The following RAP2C variants were observed in gnomAD, a reference collection of about 807,000 sequenced individuals.
RAP2C encodes the protein RAP2C, member of RAS oncogene family.
RAP2C carries 3 observed loss-of-function variants against 8.9 expected under a neutral mutation model. The ratio of observed to expected loss-of-function variants is 0.34; its 90% CI spans 0.15 to 0.87. RAP2C has a LOEUF of 0.87. RAP2C is among the 40% of genes least tolerant of loss of function. The pLI is 0.51. For missense variants in RAP2C, 76 were observed against 133.7 expected (o/e 0.57, Z 2.13); for synonymous variants, 60 against 52.1 (o/e 1.15, Z -0.65).
intron 5 of RAP2C, among the ~76,000 whole-genome samples, chrX:132,207,443 G>T (rs190000622): frequency 3.6e-5 from 4 of 110,651 alleles, no homozygotes; most frequent in African/African-American, 1.3e-4. Flanking sequence ...TAAAAACCTG[G>T]GTAACATTTG....
chrX:132,206,989 A>G (rs1310786061), intron 5 of RAP2C, among the ~76,000 whole-genome samples: 3 of 112,151 alleles, frequency 2.7e-5, no homozygotes, highest in African/African-American at 9.7e-5. Flanking sequence ...TTCCATTTCC[A>G]ACTATGTTAT....
At chrX:132,215,022 C>T (rs1367116285) in intron 4 of RAP2C, among the ~76,000 whole-genome samples, 1 of 111,340 alleles carries the variant, frequency 9.0e-6, no homozygotes, top group African/African-American at 3.3e-5. Flanking sequence ...AAATCAAACA[C>T]CTTACAATAC....
At chrX:132,215,077 G>A (rs973164899) in intron 4 of RAP2C, among the ~76,000 whole-genome samples, 2 of 110,454 alleles carry the variant, frequency 1.8e-5, no homozygotes, top group African/African-American at 6.6e-5. Context: ...CAACTCCTGG[G>A]AAGGACAGTG....
chrX:132,214,254 G>C lies in RAP2C; in HGVS notation c.466C>G (p.Leu156Val), dbSNP rs371502735. The C allele has an allele frequency of 3.1e-5, 38 of 1,210,215 alleles. No homozygotes were observed. The African/African-American group carries it at 6.6e-4, about 21-fold the overall frequency. ...SAKSKSMVDE[L>V]FAEIVRQMNY... Reference sequence around the variant, plus strand: ...ATTTGCCTGACGATCTCAGCAAAAAGTTCATCCACCATTGATTTACTTTTT... The same window carrying C: ...ATTTGCCTGACGATCTCAGCAAAAACTTCATCCACCATTGATTTACTTTTT... The change falls in exon 5 of 6, where the codon CTT becomes GTT. Residue 156 changes from leucine (L) to valine (V), a missense_variant. Coordinates refer to ENST00000370874, the MANE Select transcript of RAP2C (RefSeq NM_001271186.2).
chrX:132,207,878 C>A (rs1370836633), intron 5 of RAP2C, among the ~76,000 whole-genome samples: 3 of 111,209 alleles, frequency 2.7e-5, no homozygotes, highest in African/African-American at 9.8e-5. Context: ...TTATCCTCGA[C>A]CTCACTCTCA....
At chrX:132,207,454 G>T (rs1442441936) in intron 5 of RAP2C, among the ~76,000 whole-genome samples, 1 of 110,983 alleles carries the variant, frequency 9.0e-6, no homozygotes, top group African/African-American at 3.3e-5. Flanking sequence ...GTAACATTTG[G>T]TCTATCCACA....
At chrX:132,212,057 A>C (rs1177044417) in intron 5 of RAP2C, among the ~76,000 whole-genome samples, 3 of 110,083 alleles carry the variant, frequency 2.7e-5, no homozygotes, top group Non-Finnish European at 5.7e-5. Flanking sequence ...AAAAAAAAAA[A>C]CCTGCATATA....
At chrX:132,219,122 A>G (rs780592583) in intron 1 of RAP2C, among the ~76,000 whole-genome samples, 205 of 112,078 alleles carry the variant, frequency 1.8e-3, no homozygotes, top group African/African-American at 6.5e-3. Flanking sequence ...CCCCAGGGCC[A>G]GGAGTCTAGG....
At chrX:132,214,694 C>T (rs1255328632) in intron 4 of RAP2C, 2 of 314,284 alleles carry the variant, frequency 6.4e-6, no homozygotes, top group African/African-American at 5.8e-5. Flanking sequence ...AACCTTGACT[C>T]ATATAATCAC....
At chrX:132,213,052 A>G (rs966643197) in intron 5 of RAP2C, among the ~76,000 whole-genome samples, 2 of 111,633 alleles carry the variant, frequency 1.8e-5, no homozygotes, top group African/African-American at 6.5e-5. Flanking sequence ...GAGCATACAC[A>G]AAGCCAGACC....
In RAP2C at chrX:132,217,074, G is replaced by A; in HGVS notation, c.195C>T (p.Ala65=). The change falls in exon 4 of 6, where the codon GCC becomes GCT. Residue 65 remains alanine, a synonymous_variant. Coordinates refer to ENST00000370874, the MANE Select transcript of RAP2C (RefSeq NM_001271186.2). ...TTTTGATGTAGAGATCTCTCATGGA[G>A]GCAAACTGCTCAGTTCCTGCGGTGT... ...ILDTAGTEQF[A]SMRDLYIKNG... 8.4e-7 allele frequency: 1 copy of A among 1,195,667 alleles called. No individual in the cohort carries two copies. The highest frequency in any genetic ancestry group is 1.1e-6 in the Non-Finnish European group (1 of 886,914).
chrX:132,208,777 C>T (rs1381931289), intron 5 of RAP2C, among the ~76,000 whole-genome samples: 1 of 110,753 alleles, frequency 9.0e-6, no homozygotes, highest in African/African-American at 3.3e-5. Flanking sequence ...CCTCCTACCC[C>T]AGCCTCTTGA....
intron 5 of RAP2C, among the ~76,000 whole-genome samples, chrX:132,208,666 A>T (rs1430086050): frequency 4.6e-5 from 5 of 109,218 alleles, no homozygotes; most frequent in Non-Finnish European, 7.7e-5. Context: ...TTTTAATAAT[A>T]ATTTTAATTT....
chrX:132,217,568 C>T lies in RAP2C; in HGVS notation c.-300G>A, dbSNP rs1375382287. On this transcript the variant is annotated 5_prime_UTR_variant, in exon 4 of 6. Coordinates refer to ENST00000370874, the MANE Select transcript of RAP2C (RefSeq NM_001271186.2). ...GCCCGGCGAGGGTGGCGAGGAGGCG[C>T]GTGCCCCCGGGAGGGAAAGGGTGGG... 3 of 222,472 alleles carry T rather than the reference C, an allele frequency of 1.3e-5. No individual in the cohort carries two copies. The highest frequency in any genetic ancestry group is 1.4e-4 in the Admixed American group (2 of 14,166). 18.3% of individuals were successfully genotyped at this position (222,472 alleles called of 1,213,427 possible).
Position 132,217,963 on chromosome X carries a change from A to T in RAP2C, c.-586T>A, listed in dbSNP as rs1237090640. The T allele has an allele frequency of 3.6e-5, 4 of 111,316 alleles. No individual in the cohort carries two copies. The highest frequency in any genetic ancestry group is 2.8e-4 in the Admixed American group (3 of 10,732). The allele number at this position is 111,316 out of a possible 1,213,427, so 9.2% of individuals were successfully genotyped here. On this transcript the variant is annotated 5_prime_UTR_variant, in exon 3 of 6. The change creates a new upstream start codon in the 5' untranslated region. Coordinates refer to ENST00000370874, the MANE Select transcript of RAP2C (RefSeq NM_001271186.2). ...CCGCCGGGGAGGCTCTGTCACGCCA[A>T]GGCCATGGCCACCCGCTGGCTCCTC...
At chrX:132,209,095 G>A (rs1316538185) in intron 5 of RAP2C, among the ~76,000 whole-genome samples, 1 of 111,737 alleles carries the variant, frequency 8.9e-6, no homozygotes, top group Non-Finnish European at 1.9e-5. Context: ...ATCTTTAAAC[G>A]TGTTCACTGT....
In RAP2C at chrX:132,205,093, C is replaced by A. The variant is rs1005295219; in HGVS notation, c.*529G>T. The A allele has an allele frequency of 9.0e-6, 1 of 110,948 alleles. No homozygotes were observed. The highest frequency in any genetic ancestry group is 1.9e-5 in the Non-Finnish European group (1 of 52,871). The allele number at this position is 110,948 out of a possible 1,213,427, so 9.1% of individuals were successfully genotyped here. On this transcript the variant is annotated 3_prime_UTR_variant, in exon 6 of 6. Transcript: ENST00000370874. ...AGTTTCTTTTTACAACACTGCCACA[C>A]GTAAACAAAGTCTCAAAGTATTAAC... is the stretch of plus-strand genomic sequence containing the variant.
chrX:132,214,591 G>A (rs772827338), intron 4 of RAP2C, 145 bp from the exon 5 acceptor site: 950 of 1,069,238 alleles, frequency 8.9e-4, no homozygotes, highest in Non-Finnish European at 9.8e-4. Flanking sequence ...CAGAGAAATC[G>A]TCATCATTTT....
intron 5 of RAP2C, among the ~76,000 whole-genome samples, chrX:132,206,137 G>T (rs780745467): frequency 9.1e-6 from 1 of 110,141 alleles, no homozygotes; most frequent in African/African-American, 3.3e-5. Context: ...AGGCCAAGGT[G>T]GGAGGACTGC....
Sources: gnomAD v4.1 joint callset for allele counts (sites outside exome capture counted in the v4.1 genomes callset) on GRCh38, gnomAD v4.1.1 for gene constraint, MANE v1.5 for transcripts, NCBI Gene and HGNC (gene_info 2026-07-23, HGNC 2026-07-21) for gene names.